The following KCNU1 variants were observed in gnomAD, a reference collection of about 807,000 sequenced individuals.
KCNU1 encodes the protein potassium calcium-activated channel subfamily U member 1, also known as potassium channel subfamily U member 1.
A neutral mutation model predicts 126.8 loss-of-function variants in KCNU1; 93 were observed. The ratio of observed to expected loss-of-function variants is 0.73; its 90% CI spans 0.62 to 0.87. The LOEUF is 0.87. Ranked by LOEUF, KCNU1 falls within the 40% of genes least tolerant of loss-of-function variation. The pLI, the probability that KCNU1 is intolerant of heterozygous loss-of-function variation, is 0.00. For synonymous variants in KCNU1, 523 were observed against 494.2 expected, an observed-to-expected ratio of 1.06 and a Z score of -0.77; for missense variants, 1,330 against 1,367.1, an observed-to-expected ratio of 0.97 and a Z score of 0.43.
At chr8:36,917,796 T>C (rs1808175361) in intron 22 of KCNU1, among the ~76,000 whole-genome samples, 1 of 152,180 alleles carries the variant, frequency 6.6e-6, no homozygotes, top group Non-Finnish European at 1.5e-5. Flanking sequence ...GGGTCGAGTC[T>C]CACAGAGGTT....
rs369935759 is a variant in KCNU1 at position 36,815,655 on chromosome 8, C to T, written c.963C>T (p.Tyr321=). 11 of 1,591,782 alleles carry T rather than the reference C, an allele frequency of 6.9e-6. No individual in the cohort carries two copies. In the African/African-American group the frequency reaches 1.5e-4, roughly 22 times the overall value. The change falls in exon 9 of 27, where the codon TAC becomes TAT. Residue 321 remains tyrosine, a synonymous_variant. Coordinates refer to ENST00000399881, the MANE Select transcript of KCNU1 (RefSeq NM_001031836.3). ...MVELFANKRK[Y]TSSYEALKGK... is the part of the protein sequence containing the mutation. ...AACTGTTTGCTAACAAGAGGAAATA[C>T]ACCAGTTCCTATGAAGCACTCAAAG...
chr8:36,908,678 A>T (rs960680985), intron 20 of KCNU1, among the ~76,000 whole-genome samples: 1 of 151,894 alleles, frequency 6.6e-6, no homozygotes, highest in African/African-American at 2.4e-5. Flanking sequence ...TTTTTATAAT[A>T]TTTCTTTTTC....
intron 18 of KCNU1, among the ~76,000 whole-genome samples, chr8:36,859,794 G>T (rs973005840): frequency 4.6e-5 from 7 of 152,120 alleles, no homozygotes; most frequent in South Asian, 2.1e-4. Flanking sequence ...AATTTTCAAG[G>T]TGCTTCAGAG....
intron 25 of KCNU1, among the ~76,000 whole-genome samples, chr8:36,931,511 C>A (rs1808702986): frequency 6.6e-6 from 1 of 152,000 alleles, no homozygotes; most frequent in Admixed American, 6.6e-5. Flanking sequence ...TTTCTCTGTG[C>A]TTGTCTTTTT....
chr8:36,861,840 T>C (rs187472545), intron 18 of KCNU1, among the ~76,000 whole-genome samples: 1 of 152,346 alleles, frequency 6.6e-6, no homozygotes, highest in East Asian at 1.9e-4. Context: ...AATGAAGTCC[T>C]ATCACGTATT....
chr8:36,816,200 C>A (rs563378252), intron 9 of KCNU1, among the ~76,000 whole-genome samples: 1 of 152,282 alleles, frequency 6.6e-6, no homozygotes, highest in Admixed American at 6.5e-5. Flanking sequence ...ACCCTGTCTT[C>A]TATAGCGCCT....
chr8:36,841,213 G>C (rs1427846387), intron 16 of KCNU1, among the ~76,000 whole-genome samples: 2 of 151,850 alleles, frequency 1.3e-5, no homozygotes, highest in Non-Finnish European at 2.9e-5. Flanking sequence ...ACCCTCTTGG[G>C]CAAACACTTC....
In KCNU1 at chr8:36,787,391, T is replaced by A; in HGVS notation, c.281T>A (p.Leu94Ter). The A allele has an allele frequency of 6.2e-7, 1 of 1,612,372 alleles. No homozygotes were observed. The highest frequency in any genetic ancestry group is 8.5e-7 in the Non-Finnish European group (1 of 1,179,020). Reference protein sequence around the residue: ...QGQFRDHIEMLLSAQTFVGQV... With the variant: ...QGQFRDHIEM ...CAATTTCGTGATCATATAGAAATGT[T>A]GCTTTCAGCCCAGACCTTTGTGGGG... The change falls in exon 2 of 27, where the codon TTG (leucine) becomes TAG (stop). Residue 94 changes from leucine (L) to a stop codon, truncating the protein, a stop_gained. Transcript: ENST00000399881. LOFTEE classifies it high-confidence loss of function.
chr8:36,907,115 G>A (rs1307221939), intron 20 of KCNU1, among the ~76,000 whole-genome samples: 1 of 152,160 alleles, frequency 6.6e-6, no homozygotes, highest in Non-Finnish European at 1.5e-5. Context: ...AGTTTAGGAT[G>A]CCTTCTAGCT....
intron 19 of KCNU1, among the ~76,000 whole-genome samples, chr8:36,864,965 C>A (rs1272819577): frequency 6.6e-6 from 1 of 152,142 alleles, no homozygotes; most frequent in South Asian, 2.1e-4. Flanking sequence ...TACACTAAAA[C>A]CTCCACTAAC....
intron 10 of KCNU1, among the ~76,000 whole-genome samples, chr8:36,818,159 G>A (rs1803990014): frequency 1.3e-5 from 2 of 152,170 alleles, no homozygotes; most frequent in Admixed American, 6.5e-5. Flanking sequence ...GTTCTGTGCA[G>A]TCTATCTTTC....
rs1803130700 is a variant in KCNU1 at position 36,797,148 on chromosome 8, T to A, written c.316-6879T>A. 4.6e-5 allele frequency among the ~76,000 whole-genome samples: 7 copies of A among 152,118 alleles called. No individual in the cohort carries two copies. The South Asian group carries it at 1.4e-3, about 32-fold the overall frequency. ...TTCCTAGTATGTAATCTTGAGTGAG[T>A]TAATTTTTCTAAATTGGAATTCATT... On this transcript the variant is annotated intron_variant, in intron 2 of 26. Transcript: ENST00000399881.
chr8:36,836,642 C>A (rs976907310), intron 13 of KCNU1, 151 bp from the exon 14 acceptor site: 1 of 712,384 alleles, frequency 1.4e-6, no homozygotes, highest in Non-Finnish European at 2.3e-6. Context: ...TTGTTCTTAT[C>A]ATTTTCATTG....
intron 5 of KCNU1, 138 bp from the exon 6 acceptor site, chr8:36,807,237 A>T: frequency 1.5e-6 from 1 of 671,516 alleles, no homozygotes; most frequent in South Asian, 1.8e-5. Flanking sequence ...TTATGCTGTT[A>T]AGCCTATAAC....
At chr8:36,904,501 C>T (rs1311147133) in intron 19 of KCNU1, among the ~76,000 whole-genome samples, 1 of 152,146 alleles carries the variant, frequency 6.6e-6, no homozygotes, top group African/African-American at 2.4e-5. Context: ...ACTTTGTTGG[C>T]TCTTTGACTT....
chr8:36,812,429 A>G (rs1255018411), intron 7 of KCNU1, among the ~76,000 whole-genome samples: 2 of 152,014 alleles, frequency 1.3e-5, no homozygotes, highest in Admixed American at 6.6e-5. Context: ...TGGATAAAAA[A>G]TAGAGCTAAG....
intron 26 of KCNU1, among the ~76,000 whole-genome samples, chr8:36,933,465 A>G (rs1013733586): frequency 6.6e-6 from 1 of 152,146 alleles, no homozygotes; most frequent in Non-Finnish European, 1.5e-5. Flanking sequence ...CTTTTTACAT[A>G]TAAATCATGG....
intron 10 of KCNU1, among the ~76,000 whole-genome samples, chr8:36,827,313 T>C (rs1804361758): frequency 6.6e-6 from 1 of 152,352 alleles, no homozygotes; most frequent in Non-Finnish European, 1.5e-5. Flanking sequence ...TCTTTGCTTC[T>C]ATGCTTTTGT....
chr8:36,849,228 A>T (rs1805258084), intron 18 of KCNU1, among the ~76,000 whole-genome samples: 1 of 152,158 alleles, frequency 6.6e-6, no homozygotes, highest in African/African-American at 2.4e-5. Context: ...AACAAAAAAA[A>T]GGATCCTATA....
Sources: gnomAD v4.1 joint callset for allele counts (sites outside exome capture counted in the v4.1 genomes callset) on GRCh38, gnomAD v4.1.1 for gene constraint, MANE v1.5 for transcripts, NCBI Gene and HGNC (gene_info 2026-07-23, HGNC 2026-07-21) for gene names.